STRBP: variants seen among roughly 807,000 people sequenced by gnomAD.
STRBP encodes spermatid perinuclear RNA binding protein.
STRBP carries 13 observed loss-of-function variants against 80.1 expected under a neutral mutation model. The observed-to-expected ratio is 0.16, with a 90% CI of 0.11 to 0.26. The LOEUF is 0.26. STRBP is among the 10% of genes least tolerant of loss of function. The pLI is 1.00. For missense variants in STRBP, 485 were observed against 815.2 expected, an observed-to-expected ratio of 0.59 and a Z score of 4.93; for synonymous variants, 284 against 291.2, an observed-to-expected ratio of 0.98 and a Z score of 0.25.
chr9:123,260,436 T>C (rs2041136192), intron 1 of STRBP, among the ~76,000 whole-genome samples: 1 of 152,226 alleles, frequency 6.6e-6, no homozygotes, highest in Non-Finnish European at 1.5e-5. Flanking sequence ...TGTTATTTCA[T>C]TTAAGCACAA....
chr9:123,238,118 T>A (rs185826747), intron 1 of STRBP, among the ~76,000 whole-genome samples: 1 of 152,220 alleles, frequency 6.6e-6, no homozygotes, highest in Non-Finnish European at 1.5e-5. Context: ...GCAAAGTGCA[T>A]AGCACACAGC....
intron 2 of STRBP, among the ~76,000 whole-genome samples, chr9:123,234,562 A>T (rs2132588400): frequency 6.6e-6 from 1 of 152,370 alleles, no homozygotes; most frequent in Middle Eastern, 3.4e-3. Context: ...TATCACTAAA[A>T]ATCTAGTGTT....
intron 14 of STRBP, among the ~76,000 whole-genome samples, chr9:123,138,106 C>T (rs2036437438): frequency 6.6e-6 from 1 of 152,152 alleles, no homozygotes; most frequent in African/African-American, 2.4e-5. Context: ...CTCCTTCCTT[C>T]CCACCATTAC....
chr9:123,203,573 T>C (rs528470039), intron 2 of STRBP, among the ~76,000 whole-genome samples: 3 of 152,272 alleles, frequency 2.0e-5, no homozygotes, highest in East Asian at 3.9e-4. Flanking sequence ...TCAGAGCCTT[T>C]CCACTTGCTA....
At position 123,115,082 on chromosome 9, in the gene STRBP, C is replaced by T; in HGVS notation, c.*84+847G>A. 2.5e-6 allele frequency: 1 copy of T among 406,356 alleles called. No individual in the cohort carries two copies. The highest frequency in any genetic ancestry group is 5.2e-6 in the Non-Finnish European group (1 of 193,638). The allele number at this position is 406,356 out of a possible 1,614,324, so 25.2% of individuals were successfully genotyped here. ...GTGGACAATGGTCATCATTGAAGGACACACCACCCAGGGCCTTTTAAGAAG... is the reference window on the plus strand; with the variant it reads ...GTGGACAATGGTCATCATTGAAGGATACACCACCCAGGGCCTTTTAAGAAG... On this transcript the variant is annotated intron_variant and NMD_transcript_variant, in intron 3 of 3. Transcript: ENST00000471564. This position sits in a 1 kb window ranked among gnomAD's most constrained non-coding sequence, Gnocchi z 5.0.
intron 3 of STRBP, chr9:123,113,671 G>T (rs1171631990): frequency 6.0e-6 from 1 of 167,362 alleles, no homozygotes; most frequent in Non-Finnish European, 1.5e-5. Context: ...CCTTTGTGGG[G>T]AGGTGGATGG....
intron 1 of STRBP, among the ~76,000 whole-genome samples, chr9:123,240,058 G>C (rs1173292994): frequency 6.6e-6 from 1 of 152,058 alleles, no homozygotes; most frequent in Non-Finnish European, 1.5e-5. Context: ...TATATTATGG[G>C]ATTTGCTCTT....
At chr9:123,188,416 C>A (rs1026684625) in intron 2 of STRBP, among the ~76,000 whole-genome samples, 1 of 152,098 alleles carries the variant, frequency 6.6e-6, no homozygotes, top group Non-Finnish European at 1.5e-5. Context: ...CCGAGGCAGG[C>A]GGATCACAAG....
downstream of STRBP, among the ~76,000 whole-genome samples, chr9:123,119,928 T>C (rs2035703105): frequency 6.6e-6 from 1 of 152,198 alleles, no homozygotes; most frequent in Non-Finnish European, 1.5e-5. Context: ...GTACTATTTT[T>C]AAAAACCTCC....
At chr9:123,218,994 A>G (rs932909694) in intron 2 of STRBP, among the ~76,000 whole-genome samples, 7 of 152,168 alleles carry the variant, frequency 4.6e-5, no homozygotes, top group Admixed American at 3.3e-4. Context: ...AAATTTAACT[A>G]ACCCACAATA....
intron 1 of STRBP, among the ~76,000 whole-genome samples, chr9:123,242,197 C>T (rs1335529215): frequency 6.6e-6 from 1 of 152,146 alleles, no homozygotes; most frequent in Non-Finnish European, 1.5e-5. Context: ...CAACCTGTTT[C>T]GATTATCTGC....
intron 13 of STRBP, 125 bp downstream of exon 13, chr9:123,146,730 A>C: frequency 1.2e-6 from 1 of 836,104 alleles, no homozygotes; most frequent in Non-Finnish European, 1.7e-6. Context: ...AGAAGTAACA[A>C]AAGTCTATAT....
At chr9:123,254,724 G>T (rs1044463141) in intron 1 of STRBP, among the ~76,000 whole-genome samples, 2 of 152,134 alleles carry the variant, frequency 1.3e-5, no homozygotes, top group African/African-American at 2.4e-5. Context: ...CTCCGGTGAG[G>T]TGAAAAATAT....
rs764944074 is a variant in STRBP at position 123,132,873 on chromosome 9, C to T, written c.1869G>A (p.Ala623=). 5.6e-6 allele frequency: 9 copies of T among 1,613,996 alleles called. No individual in the cohort carries two copies. The African/African-American group carries it at 6.7e-5, about 12-fold the overall frequency. The change falls in exon 17 of 19, where the codon GCG becomes GCA. Residue 623 remains alanine (A), a synonymous_variant. Coordinates refer to ENST00000348403, the MANE Select transcript of STRBP (RefSeq NM_018387.5). ...GTLTRGAFVG[A]TAAPGYIAPG... ...GAGCTATGTAGCCAGGAGCAGCTGT[C>T]GCCCCAACAAAAGCTCCCCTTGTTA...
chr9:123,128,946 T>C (rs1380795719), intron 17 of STRBP, among the ~76,000 whole-genome samples: 1 of 152,260 alleles, frequency 6.6e-6, no homozygotes, highest in Non-Finnish European at 1.5e-5. Context: ...TAAAAGCAAG[T>C]ACAAAGAAGT....
At chr9:123,172,486 AT>A (rs1325766197) in intron 5 of STRBP, among the ~76,000 whole-genome samples, 3 of 152,194 alleles carry the variant, frequency 2.0e-5, no homozygotes, top group African/African-American at 4.8e-5. Context: ...TCACAAAAGG[AT>A]TTTTTTAAAA....
chr9:123,135,631 C>A (rs1015864079), intron 16 of STRBP, among the ~76,000 whole-genome samples: 1 of 152,048 alleles, frequency 6.6e-6, no homozygotes. Context: ...TGCAAAAGCA[C>A]GAAACTGCAA....
Position 123,115,736 on chromosome 9 carries a change from G to A in STRBP, c.*84+193C>T, listed in dbSNP as rs1042584673. On this transcript the variant is annotated intron_variant and NMD_transcript_variant, in intron 3 of 3. Transcript: ENST00000471564. This position sits in a 1 kb window ranked among gnomAD's most constrained non-coding sequence, Gnocchi z 5.0. The stretch of plus-strand genomic sequence containing the variant: ...CATTCCACAGCATTTCCTCTTTGCC[G>A]TCCACACAACCGGCTTCTTGCTTGA... 3.6e-5 allele frequency: 12 copies of A among 333,714 alleles called. No individual in the cohort carries two copies. Among genetic ancestry groups the A allele is most frequent in the Admixed American group, 2.4e-4 (6 of 25,006 alleles). 20.7% of individuals were successfully genotyped at this position (333,714 alleles called of 1,614,324 possible). A position where few individuals can be genotyped will look rare whatever the true frequency, so the allele number is the denominator to read the frequency against.
rs769118322 is a variant in STRBP at position 123,125,592 on chromosome 9, A to G, written c.*5T>C. On this transcript the variant is annotated 3_prime_UTR_variant, in exon 19 of 19. Coordinates refer to ENST00000348403, the MANE Select transcript of STRBP (RefSeq NM_018387.5). ...TGTTCAATAGGAATTAGCTTCTGTC[A>G]TTTGCTAAAAGAATGAGTAGTGGGG... The G allele has an allele frequency of 1.2e-6, 2 of 1,612,280 alleles. No homozygotes were observed. Among genetic ancestry groups the G allele is most frequent in the South Asian group, 2.2e-5 (2 of 90,614 alleles).
Sources: allele counts gnomAD v4.1 joint callset (sites outside exome capture counted in the v4.1 genomes callset), GRCh38; gene constraint gnomAD v4.1.1; non-coding constraint Gnocchi (gnomAD v3.1); transcripts MANE v1.5; gene names NCBI Gene and HGNC (gene_info 2026-07-23, HGNC 2026-07-21).